Variants in COL19A1 observed in about 807,000 individuals in gnomAD.
The protein encoded by COL19A1 is collagen type XIX alpha 1 chain.
In COL19A1, 159 loss-of-function variants were observed where a neutral mutation model predicts 190.2. That is an observed-to-expected ratio of 0.84 (90% CI 0.73 to 0.95). COL19A1 has a LOEUF of 0.95. Ranked by LOEUF, COL19A1 falls within the 40% of genes least tolerant of loss-of-function variation. The pLI is 0.00. For missense variants in COL19A1, 1,418 were observed against 1,431.9 expected (o/e 0.99, Z 0.16); for synonymous variants, 509 against 458.9 (o/e 1.11, Z -1.39).
intron 30 of COL19A1, among the ~76,000 whole-genome samples, chr6:70,150,605 T>C (rs1470885893): frequency 6.6e-6 from 1 of 152,160 alleles, no homozygotes; most frequent in Non-Finnish European, 1.5e-5. Context: ...ACTCGGCAGT[T>C]ATAATTTGAG....
At position 70,183,808 on chromosome 6, in the gene COL19A1, T is replaced by C. The variant is rs1221411237; in HGVS notation, c.2776-895T>C. ...TCCATTCCAGCACAATAAAAGTCCC[T>C]TGGGCTTTTAGAGGAGCAAGTCCAT... On this transcript the variant is annotated intron_variant, in intron 44 of 50. Transcript: ENST00000620364. Among the ~76,000 whole-genome samples, 3 of 152,234 alleles carry C rather than the reference T, an allele frequency of 2.0e-5. No individual in the cohort carries two copies. The East Asian group carries it at 5.8e-4, about 29-fold the overall frequency.
At chr6:70,198,706 A>G (rs934651348) in intron 48 of COL19A1, among the ~76,000 whole-genome samples, 2 of 152,222 alleles carry the variant, frequency 1.3e-5, no homozygotes, top group African/African-American at 4.8e-5. Flanking sequence ...GTTGCTGCAT[A>G]AGAAAATACC....
intron 15 of COL19A1, among the ~76,000 whole-genome samples, chr6:70,096,016 C>CT (rs1783236654): frequency 6.6e-6 from 1 of 151,780 alleles, no homozygotes; most frequent in Non-Finnish European, 1.5e-5. Context: ...AATATCTTTT[C>CT]TTAAAACTGT....
intron 11 of COL19A1, among the ~76,000 whole-genome samples, chr6:69,986,668 G>C (rs1464059417): frequency 6.6e-6 from 1 of 152,202 alleles, no homozygotes; most frequent in Middle Eastern, 3.4e-3. Context: ...TACTTTGACC[G>C]CAGAGTTTAT....
intron 2 of COL19A1, among the ~76,000 whole-genome samples, chr6:69,887,900 G>A (rs991893937): frequency 1.3e-5 from 2 of 152,178 alleles, no homozygotes. Flanking sequence ...AAAAGGGTGT[G>A]AAGTTCCCAA....
At chr6:70,040,446 C>T (rs1193885115) in intron 14 of COL19A1, among the ~76,000 whole-genome samples, 3 of 152,156 alleles carry the variant, frequency 2.0e-5, no homozygotes, top group Non-Finnish European at 4.4e-5. Flanking sequence ...TGAAAGTATT[C>T]TTACTGCCAG....
intron 4 of COL19A1, among the ~76,000 whole-genome samples, chr6:69,921,386 CATAT>C (rs1477095454): frequency 9.5e-6 from 1 of 105,716 alleles, no homozygotes; most frequent in Admixed American, 1.1e-4. Context: ...TCATATATAT[CATAT>C]ATATCATATA....
intron 43 of COL19A1, 24 bp from the exon 44 acceptor site, chr6:70,180,437 T>C (rs1227794817): frequency 6.2e-7 from 1 of 1,614,064 alleles, no homozygotes. Context: ...GGCAATTAAT[T>C]TGTGTCTGTG....
chr6:70,064,128 G>A (rs538409322), intron 14 of COL19A1, among the ~76,000 whole-genome samples: 1 of 152,286 alleles, frequency 6.6e-6, no homozygotes, highest in South Asian at 2.1e-4. Flanking sequence ...CTCATTTTAT[G>A]AGGACAGCAT....
intron 11 of COL19A1, among the ~76,000 whole-genome samples, chr6:70,021,466 G>A (rs1045058797): frequency 6.6e-6 from 1 of 152,022 alleles, no homozygotes; most frequent in African/African-American, 2.4e-5. Context: ...GTTAATATTG[G>A]TATCCATGGA....
intron 15 of COL19A1, among the ~76,000 whole-genome samples, chr6:70,069,764 T>A (rs572560654): frequency 6.6e-5 from 10 of 152,300 alleles, no homozygotes; most frequent in African/African-American, 2.4e-4. Flanking sequence ...GTTGTACAGT[T>A]ACCTTTTTGA....
At position 70,209,031 on chromosome 6, in the gene COL19A1, T is replaced by C. The variant is rs1403712092; in HGVS notation, c.*1757T>C. The C allele has an allele frequency of 3.3e-5, 5 of 152,540 alleles. No individual in the cohort carries two copies. Among genetic ancestry groups the C allele is most frequent in the African/African-American group, 1.2e-4 (5 of 41,404 alleles). 9.4% of individuals were successfully genotyped at this position (152,540 alleles called of 1,614,324 possible). On this transcript the variant is annotated 3_prime_UTR_variant, in exon 51 of 51. Coordinates refer to ENST00000620364, the MANE Select transcript of COL19A1 (RefSeq NM_001858.6). ...TTTATTTATTGTAAGCATTTTGACA[T>C]TGATTTTTTTTTTTTCGTTTTCTTT...
At chr6:70,058,950 G>A (rs937134029) in intron 14 of COL19A1, among the ~76,000 whole-genome samples, 1 of 151,996 alleles carries the variant, frequency 6.6e-6, no homozygotes, top group Non-Finnish European at 1.5e-5. Flanking sequence ...AGAAGAAAGT[G>A]CACGTATAAA....
intron 16 of COL19A1, among the ~76,000 whole-genome samples, chr6:70,120,113 T>G (rs967160757): frequency 1.3e-5 from 2 of 152,018 alleles, no homozygotes. Context: ...CAAAAAGAGT[T>G]TGCTATTATT....
At chr6:70,119,679 A>G (rs1467997690) in intron 16 of COL19A1, among the ~76,000 whole-genome samples, 3 of 152,064 alleles carry the variant, frequency 2.0e-5, no homozygotes, top group South Asian at 2.1e-4. Context: ...AACATTTCCA[A>G]CCCTCATTTT....
chr6:70,178,505 C>T (rs1765957115), intron 42 of COL19A1, among the ~76,000 whole-genome samples: 1 of 152,116 alleles, frequency 6.6e-6, no homozygotes, highest in Admixed American at 6.5e-5. Flanking sequence ...TTCTGCGGCT[C>T]AGAAGATAAA....
intron 18 of COL19A1, among the ~76,000 whole-genome samples, chr6:70,135,052 G>A (rs778792284): frequency 5.3e-5 from 8 of 152,168 alleles, no homozygotes; most frequent in Non-Finnish European, 8.8e-5. Context: ...TGCTGGAATG[G>A]CTCACAGAAC....
intron 16 of COL19A1, among the ~76,000 whole-genome samples, chr6:70,120,492 C>G (rs112443255): frequency 5.6e-4 from 85 of 152,264 alleles, no homozygotes; most frequent in African/African-American, 1.8e-3. Flanking sequence ...ACAACCCCCC[C>G]ACTCAATGAT....
At chr6:69,900,545 T>A (rs1292829377) in intron 4 of COL19A1, among the ~76,000 whole-genome samples, 2 of 152,128 alleles carry the variant, frequency 1.3e-5, no homozygotes, top group African/African-American at 4.8e-5. Flanking sequence ...ATCATTTATA[T>A]GTACAGAAAA....
Sources: gnomAD v4.1 joint callset for allele counts (sites outside exome capture counted in the v4.1 genomes callset) on GRCh38, gnomAD v4.1.1 for gene constraint, MANE v1.5 for transcripts, NCBI Gene and HGNC (gene_info 2026-07-23, HGNC 2026-07-21) for gene names.